DLG2: variants seen among roughly 807,000 people sequenced by gnomAD.
DLG2 encodes disks large homolog 2.
In DLG2, 45 loss-of-function variants were observed where a neutral mutation model predicts 132.5. That is an observed-to-expected ratio of 0.34 (90% CI 0.27 to 0.44). The LOEUF (loss-of-function observed/expected upper bound fraction) is 0.44, where lower values mean the gene tolerates loss of function less well. DLG2 is among the 20% of genes least tolerant of loss of function. The pLI, the probability that DLG2 is intolerant of heterozygous loss-of-function variation, is 1.00. For missense variants in DLG2, 1,045 were observed against 1,196.9 expected, an observed-to-expected ratio of 0.87 and a Z score of 1.87; for synonymous variants, 424 against 419.6, an observed-to-expected ratio of 1.01 and a Z score of -0.13.
At chr11:83,687,007 A>G (rs957397647) in intron 18 of DLG2, among the ~76,000 whole-genome samples, 7 of 152,198 alleles carry the variant, frequency 4.6e-5, no homozygotes, top group Non-Finnish European at 5.9e-5. Context: ...TCATAAAAAC[A>G]GGAAATTTGA....
At chr11:84,050,134 A>G (rs1409714842) in intron 11 of DLG2, among the ~76,000 whole-genome samples, 2 of 145,906 alleles carry the variant, frequency 1.4e-5, no homozygotes, top group Admixed American at 1.4e-4. Flanking sequence ...ACTTACTGGC[A>G]ATGAAAAACT....
intron 8 of DLG2, among the ~76,000 whole-genome samples, chr11:84,189,284 T>G (rs923251911): frequency 6.6e-5 from 10 of 152,124 alleles, no homozygotes; most frequent in Admixed American, 2.0e-4. Flanking sequence ...AAATACCATC[T>G]CACACCTGTC....
intron 8 of DLG2, among the ~76,000 whole-genome samples, chr11:84,165,886 A>C (rs373430994): frequency 6.6e-6 from 1 of 152,200 alleles, no homozygotes; most frequent in East Asian, 1.9e-4. Flanking sequence ...TGAAAGAGTG[A>C]GATCCCGTCT....
At chr11:85,522,533 C>A (rs1441744576) in intron 3 of DLG2, among the ~76,000 whole-genome samples, 1 of 152,150 alleles carries the variant, frequency 6.6e-6, no homozygotes, top group African/African-American at 2.4e-5. Context: ...CAGCTTGCAC[C>A]CTGCATGTGG....
chr11:84,786,510 C>G (rs1423494305), intron 6 of DLG2, among the ~76,000 whole-genome samples: 1 of 152,178 alleles, frequency 6.6e-6, no homozygotes, highest in Admixed American at 6.5e-5. Context: ...GATGACTGAT[C>G]ACTTTTATAA....
chr11:85,035,283 A>AAT (rs1316338532), intron 6 of DLG2, among the ~76,000 whole-genome samples: 1 of 152,234 alleles, frequency 6.6e-6, no homozygotes, highest in African/African-American at 2.4e-5. Flanking sequence ...CACCCCTTGA[A>AAT]ATAGCACTAT....
At chr11:85,121,236 A>G in intron 5 of DLG2, among the ~76,000 whole-genome samples, 1 of 151,988 alleles carries the variant, frequency 6.6e-6, no homozygotes, top group East Asian at 1.9e-4. Context: ...TAAAAAAATT[A>G]TATTATTTCT....
intron 18 of DLG2, among the ~76,000 whole-genome samples, chr11:83,704,912 C>T (rs2083641788): frequency 6.6e-6 from 1 of 152,168 alleles, no homozygotes; most frequent in Admixed American, 6.6e-5. Context: ...TCAGACTAAA[C>T]TTCCGGATAT....
At chr11:84,112,933 C>T (rs546686966) in intron 9 of DLG2, among the ~76,000 whole-genome samples, 30 of 152,296 alleles carry the variant, frequency 2.0e-4, no homozygotes, top group South Asian at 1.0e-3. Flanking sequence ...CCAGAACAAA[C>T]GGAACAATAA....
intron 6 of DLG2, among the ~76,000 whole-genome samples, chr11:84,727,895 G>A (rs1176818498): frequency 6.6e-6 from 1 of 152,110 alleles, no homozygotes; most frequent in East Asian, 1.9e-4. Context: ...TTGGCTCTCT[G>A]TCTGTTATTG....
intron 6 of DLG2, among the ~76,000 whole-genome samples, chr11:84,797,073 C>T (rs1343745110): frequency 3.9e-5 from 6 of 152,074 alleles, no homozygotes; most frequent in Non-Finnish European, 5.9e-5. Flanking sequence ...TCTAGCACTC[C>T]TGACCTCAGG....
chr11:85,171,294 G>T (rs1329508444), intron 4 of DLG2, among the ~76,000 whole-genome samples: 1 of 152,136 alleles, frequency 6.6e-6, no homozygotes, highest in Non-Finnish European at 1.5e-5. Context: ...AATGGCCCAC[G>T]GAGCAGCACA....
chr11:83,648,962 T>C (rs928853794), intron 18 of DLG2, among the ~76,000 whole-genome samples: 3 of 152,166 alleles, frequency 2.0e-5, no homozygotes, highest in Non-Finnish European at 4.4e-5. Context: ...TTCATTTGCA[T>C]TTCTACTCAG....
At chr11:83,821,616 A>G (rs953168023) in intron 17 of DLG2, among the ~76,000 whole-genome samples, 1 of 152,190 alleles carries the variant, frequency 6.6e-6, no homozygotes, top group Non-Finnish European at 1.5e-5. Flanking sequence ...AATATTTGAC[A>G]GTCATGTTTT....
chr11:84,411,726 T>A (rs2098905772), intron 7 of DLG2, among the ~76,000 whole-genome samples: 1 of 152,200 alleles, frequency 6.6e-6, no homozygotes, highest in Non-Finnish European at 1.5e-5. Context: ...ACAAAGCAAC[T>A]ATAGTATCAT....
chr11:84,683,234 T>C (rs1044010663), intron 6 of DLG2, among the ~76,000 whole-genome samples: 5 of 152,210 alleles, frequency 3.3e-5, no homozygotes, highest in African/African-American at 1.2e-4. Context: ...TAATATGTGT[T>C]GTGACCAACT....
At chr11:85,471,490 A>G (rs2092982861) in intron 3 of DLG2, among the ~76,000 whole-genome samples, 2 of 152,204 alleles carry the variant, frequency 1.3e-5, no homozygotes, top group South Asian at 4.1e-4. Context: ...GGCACAAAAC[A>G]CGTAAGGAAC....
intron 7 of DLG2, among the ~76,000 whole-genome samples, chr11:84,470,433 T>G (rs2099105591): frequency 6.6e-6 from 1 of 151,726 alleles, no homozygotes; most frequent in African/African-American, 2.4e-5. Flanking sequence ...GTTCCTGTTG[T>G]CTAGGGGTTC....
At chr11:84,477,024 C>A in intron 7 of DLG2, among the ~76,000 whole-genome samples, 1 of 152,062 alleles carries the variant, frequency 6.6e-6, no homozygotes. Flanking sequence ...TTTAGACAGA[C>A]CGCAGGAAAC....
Sources: allele counts gnomAD v4.1 joint callset (sites outside exome capture counted in the v4.1 genomes callset), GRCh38; gene constraint gnomAD v4.1.1; transcripts MANE v1.5; gene names NCBI Gene and HGNC (gene_info 2026-07-23, HGNC 2026-07-21).